The following GPHN variants were observed in gnomAD, a reference collection of about 807,000 sequenced individuals.
GPHN encodes gephyrin.
Under a neutral mutation model 95.5 loss-of-function variants are expected in GPHN, and 17 were observed. The observed-to-expected ratio is 0.18, with a 90% CI of 0.12 to 0.27. GPHN has a LOEUF of 0.27. Among genes scored for constraint, GPHN ranks in the 10% least tolerant of loss-of-function variants. The pLI is 1.00. For missense variants in GPHN, 660 were observed against 978.1 expected, an observed-to-expected ratio of 0.67 and a Z score of 4.34; for synonymous variants, 320 against 322.5, an observed-to-expected ratio of 0.99 and a Z score of 0.08.
At chr14:67,391,668 C>T in the GPHN span, among the ~76,000 whole-genome samples, 5 of 152,156 alleles carry the variant, frequency 3.3e-5, no homozygotes, top group African/African-American at 9.7e-5. Context: ...GAAGGCTGTG[C>T]AAAATGTCTG....
the GPHN span, among the ~76,000 whole-genome samples, chr14:67,323,427 C>T: frequency 1.9e-4 from 29 of 151,458 alleles, 1 homozygote; most frequent in African/African-American, 7.0e-4. Context: ...CCAGCCTGGA[C>T]AACAAAGCGA....
chr14:67,292,492 C>A, the GPHN span: 4 of 1,521,856 alleles, frequency 2.6e-6, no homozygotes, highest in African/African-American at 1.4e-5. Context: ...TTTTTGGATA[C>A]CTTTTCTTCT....
the GPHN span, chr14:67,724,392 G>GT: frequency 1.2e-3 from 814 of 687,414 alleles, no homozygotes; most frequent in Non-Finnish European, 1.5e-3. Flanking sequence ...GCTGGATAGA[G>GT]TTTTTTTTTT....
chr14:67,610,109 GGC>G, the GPHN span, among the ~76,000 whole-genome samples: 476 of 151,460 alleles, frequency 3.1e-3, 20 homozygotes, highest in East Asian at 0.081. Flanking sequence ...GGTTGCCAGC[GGC>G]GGGGCAGAGG....
At chr14:67,292,506 A>T in the GPHN span, 2 of 1,587,510 alleles carry the variant, frequency 1.3e-6, no homozygotes, top group Non-Finnish European at 1.7e-6. Flanking sequence ...TTCTTCTTCT[A>T]CTAGAAATAG....
At chr14:66,992,496 A>G (rs1594754822) in intron 9 of GPHN, among the ~76,000 whole-genome samples, 1 of 152,148 alleles carries the variant, frequency 6.6e-6, no homozygotes, top group East Asian at 1.9e-4. Flanking sequence ...AATGTTTAAC[A>G]ATTAATTTCC....
chr14:67,663,489 C>T, the GPHN span, among the ~76,000 whole-genome samples: 1 of 151,830 alleles, frequency 6.6e-6, no homozygotes, highest in South Asian at 2.1e-4. Context: ...CTGCCTAACA[C>T]GGTGAAACCC....
At chr14:67,037,396 T>C (rs1302578198) in intron 10 of GPHN, among the ~76,000 whole-genome samples, 3 of 152,158 alleles carry the variant, frequency 2.0e-5, no homozygotes, top group Non-Finnish European at 2.9e-5. Flanking sequence ...GGAAACGATC[T>C]CTTGGATATG....
At chr14:67,693,278 C>G in the GPHN span, among the ~76,000 whole-genome samples, 421 of 152,352 alleles carry the variant, frequency 2.8e-3, no homozygotes, top group Admixed American at 4.9e-3. Flanking sequence ...AAGCTTACAG[C>G]TGTTCTCTGC....
chr14:67,020,331 A>C (rs1241638397), intron 9 of GPHN, among the ~76,000 whole-genome samples: 1 of 152,186 alleles, frequency 6.6e-6, no homozygotes, highest in East Asian at 1.9e-4. Context: ...ACCTCCCATA[A>C]TGAAGAGCTG....
chr14:66,680,218 G>A (rs2066860569), intron 1 of GPHN, among the ~76,000 whole-genome samples: 2 of 152,162 alleles, frequency 1.3e-5, no homozygotes, highest in African/African-American at 4.8e-5. Flanking sequence ...AATTGTTGGA[G>A]ATTTTACTCT....
At chr14:67,034,826 A>G (rs2074343072) in intron 10 of GPHN, among the ~76,000 whole-genome samples, 2 of 152,146 alleles carry the variant, frequency 1.3e-5, no homozygotes, top group African/African-American at 4.8e-5. Context: ...CAATAACACA[A>G]TAATGGTAGG....
At chr14:67,375,401 C>T in the GPHN span, among the ~76,000 whole-genome samples, 1 of 152,060 alleles carries the variant, frequency 6.6e-6, no homozygotes, top group South Asian at 2.1e-4. Context: ...AGATTACAGG[C>T]GTAAGCCAGT....
chr14:67,063,124 G>C (rs1191147043), intron 11 of GPHN, among the ~76,000 whole-genome samples: 1 of 152,058 alleles, frequency 6.6e-6, no homozygotes, highest in Non-Finnish European at 1.5e-5. Flanking sequence ...TCCAGTTTCA[G>C]CTTTCCAGTT....
the GPHN span, among the ~76,000 whole-genome samples, chr14:67,222,178 A>G: frequency 6.6e-6 from 1 of 152,174 alleles, no homozygotes; most frequent in Non-Finnish European, 1.5e-5. Context: ...GCTGATATAT[A>G]ACGGGAATGG....
At chr14:67,635,575 C>T in the GPHN span, among the ~76,000 whole-genome samples, 20 of 152,066 alleles carry the variant, frequency 1.3e-4, 1 homozygote, top group Admixed American at 1.2e-3. Context: ...GGAATTCGGC[C>T]GGGCACGGCG....
At chr14:66,850,714 A>C (rs1199166388) in intron 4 of GPHN, among the ~76,000 whole-genome samples, 1 of 152,118 alleles carries the variant, frequency 6.6e-6, no homozygotes, top group East Asian at 1.9e-4. Flanking sequence ...TATCTGACCC[A>C]AAATGTTAAT....
intron 1 of GPHN, among the ~76,000 whole-genome samples, chr14:66,657,085 TTCA>T (rs1223190737): frequency 6.6e-6 from 1 of 152,194 alleles, no homozygotes. Flanking sequence ...AAAGTGCTGT[TTCA>T]GATAACACAT....
chr14:67,567,133 A>G, the GPHN span, among the ~76,000 whole-genome samples: 1 of 148,376 alleles, frequency 6.7e-6, no homozygotes, highest in Non-Finnish European at 1.5e-5. Context: ...CTGAGGCATG[A>G]TCACTCGTGT....
Sources: gnomAD v4.1 joint callset for allele counts (sites outside exome capture counted in the v4.1 genomes callset) on GRCh38, gnomAD v4.1.1 for gene constraint, MANE v1.5 for transcripts, NCBI Gene and HGNC (gene_info 2026-07-23, HGNC 2026-07-21) for gene names.